DOP1B: variants seen among roughly 807,000 people sequenced by gnomAD.
DOP1B encodes the protein DOP1 leucine zipper like protein B.
DOP1B carries 174 observed loss-of-function variants against 233.5 expected under a neutral mutation model. The observed-to-expected ratio is 0.75, with a 90% confidence interval of 0.66 to 0.85. The LOEUF (loss-of-function observed/expected upper bound fraction) is 0.85. Among genes scored for constraint, DOP1B ranks in the 40% least tolerant of loss-of-function variants. DOP1B has a pLI of 0.00. For synonymous variants in DOP1B, 1,190 were observed against 1,185.6 expected (o/e 1.00, Z -0.08); for missense variants, 2,652 against 2,846.6 (o/e 0.93, Z 1.56).
At chr21:36,241,890 G>A (rs1008363833) in intron 18 of DOP1B, among the ~76,000 whole-genome samples, 1 of 150,894 alleles carries the variant, frequency 6.6e-6, no homozygotes, top group Non-Finnish European at 1.5e-5. Context: ...TAAGTAAGCA[G>A]AGGTGTGTGA....
chr21:36,250,904 G>A (rs1388607416), intron 21 of DOP1B, among the ~76,000 whole-genome samples: 3 of 152,092 alleles, frequency 2.0e-5, no homozygotes, highest in South Asian at 2.1e-4. Context: ...CTGGCCATCC[G>A]TCTCTCCACC....
At position 36,199,193 on chromosome 21, in the gene DOP1B, G is replaced by A. The variant is rs1484298229; in HGVS notation, c.262G>A (p.Glu88Lys). 5.0e-6 allele frequency: 8 copies of A among 1,614,010 alleles called. No individual in the cohort carries two copies. Among genetic ancestry groups the A allele is most frequent in the African/African-American group, 1.3e-5 (1 of 74,918 alleles). Residue 88 changes from glutamate (E) to lysine (K), a missense_variant, in exon 3 of 37, where the codon GAG becomes AAG. Glu to Lys is a moderately conservative substitution (Grantham distance 56). This residue lies in a region of DOP1B where 2,617 missense variants were observed against 2,794.3 expected (regional missense o/e 0.94). Coordinates refer to ENST00000691173, the MANE Select transcript of DOP1B (RefSeq NM_001320714.2). ...GVHLKALETYEIIFKIVGTKW... is the reference protein window; with the variant it reads ...GVHLKALETYKIIFKIVGTKW... ...CCACTTAAAAGCTCTGGAAACCTAC[G>A]AGATTATCTTTAAAATCGTGGGGAC...
intron 13 of DOP1B, among the ~76,000 whole-genome samples, chr21:36,228,360 G>T (rs955795731): frequency 2.0e-5 from 3 of 152,126 alleles, no homozygotes; most frequent in Non-Finnish European, 4.4e-5. Flanking sequence ...TTACTTGGGA[G>T]GCTGAGGCTG....
At chr21:36,223,621 TTCTGGTTACATTCATCAAA>T (rs148183058) in intron 11 of DOP1B, among the ~76,000 whole-genome samples, 5,585 of 152,290 alleles carry the variant, frequency 0.037, 132 homozygotes, top group Non-Finnish European at 0.051. Flanking sequence ...TCAGCGCATT[TTCTGGTTACATTCATCAAA>T]TCAGCTTTCC....
At chr21:36,194,473 TTC>T (rs201416655) in intron 2 of DOP1B, among the ~76,000 whole-genome samples, 23,179 of 134,296 alleles carry the variant, frequency 0.17, 2,777 homozygotes, top group African/African-American at 0.31. Flanking sequence ...TTTGCTGCAT[TTC>T]TCTCTCTCTC....
rs547115435 is a variant in DOP1B, at chr21:36,263,866, C to G, written c.5487+52C>G. ...AATGATATTACCCCAGCAGTGCTGTCCTCCTTTGGGGGATATCAGATAGCA... is the reference window on the plus strand; with the variant it reads ...AATGATATTACCCCAGCAGTGCTGTGCTCCTTTGGGGGATATCAGATAGCA... On this transcript the variant is annotated intron_variant, in intron 26 of 36. Coordinates refer to ENST00000691173, the MANE Select transcript of DOP1B (RefSeq NM_001320714.2). 9 of 1,550,234 alleles carry G rather than the reference C, an allele frequency of 5.8e-6. No individual in the cohort carries two copies. The African/African-American group carries it at 1.1e-4, about 19-fold the overall frequency.
chr21:36,255,280 C>T (rs1282190768), intron 23 of DOP1B, among the ~76,000 whole-genome samples: 1 of 151,658 alleles, frequency 6.6e-6, no homozygotes. Context: ...TACAGGTGCG[C>T]ACCACCAAGC....
intron 2 of DOP1B, among the ~76,000 whole-genome samples, chr21:36,178,259 G>A (rs545729535): frequency 2.0e-5 from 3 of 152,284 alleles, no homozygotes; most frequent in African/African-American, 7.2e-5. Flanking sequence ...GGGAGGCTAA[G>A]GCAGGTGGAT....
chr21:36,254,089 C>T (rs76729325), intron 23 of DOP1B, among the ~76,000 whole-genome samples, 180 bp downstream of exon 23: 6,734 of 152,172 alleles, frequency 0.044, 520 homozygotes, highest in African/African-American at 0.15. Flanking sequence ...CTATGAAGAT[C>T]TGGTGCTTCT....
At position 36,278,137 on chromosome 21, in the gene DOP1B, CA is replaced by C. The variant is rs918760990; in HGVS notation, c.5822+54del. 2.5e-6 allele frequency: 4 copies of C among 1,613,014 alleles called. No individual in the cohort carries two copies. In the African/African-American group the frequency reaches 5.3e-5, roughly 22 times the overall value. On this transcript the variant is annotated intron_variant, in intron 29 of 36. Transcript: ENST00000691173. ...ACCCATATGCAGAAAAATATGTTTT[CA>C]CAAATGAATCAAGTAGTTTTCCTTG...
intron 2 of DOP1B, among the ~76,000 whole-genome samples, chr21:36,178,248 T>C (rs992287907): frequency 4.6e-5 from 7 of 152,110 alleles, no homozygotes; most frequent in Non-Finnish European, 8.8e-5. Context: ...CTCAGGACTT[T>C]GGGAGGCTAA....
intron 27 of DOP1B, among the ~76,000 whole-genome samples, chr21:36,276,711 C>T (rs2067352758): frequency 6.6e-6 from 1 of 151,696 alleles, no homozygotes; most frequent in Admixed American, 6.6e-5. Flanking sequence ...CATGGTGGCA[C>T]ATGCCTGTAG....
In DOP1B at chr21:36,212,034, G is replaced by A. The variant is rs370749068; in HGVS notation, c.841G>A (p.Ala281Thr). 37 of 1,613,598 alleles carry A rather than the reference G, an allele frequency of 2.3e-5. No individual in the cohort carries two copies. Among genetic ancestry groups the A allele is most frequent in the African/African-American group, 4.0e-5 (3 of 74,852 alleles). Reference protein sequence around the residue: ...RSDIVRILSAATQTLLRRDMS... With the variant: ...RSDIVRILSATTQTLLRRDMS... ...TGACATCGTGCGCATTCTCTCAGCC[G>A]CCACCCAGACCCTACTGAGAAGGGA... The change falls in exon 7 of 37, where the codon GCC (alanine) becomes ACC (threonine). Residue 281 changes from alanine to threonine, a missense_variant. Ala to Thr is a moderately conservative substitution (Grantham distance 58). Coordinates refer to ENST00000691173, the MANE Select transcript of DOP1B (RefSeq NM_001320714.2).
At chr21:36,204,658 A>ATTTTTTTTTTTTTTTTT (rs56725433) in intron 4 of DOP1B, among the ~76,000 whole-genome samples, 1 of 115,212 alleles carries the variant, frequency 8.7e-6, no homozygotes, top group Non-Finnish European at 1.7e-5. Flanking sequence ...TGACATTTCT[A>ATTTTTTTTTTTTTTTTT]TTTTTTTTTT....
chr21:36,241,503 C>CTTT (rs1165636640), intron 18 of DOP1B, among the ~76,000 whole-genome samples: 1,355 of 76,494 alleles, frequency 0.018, 106 homozygotes, highest in African/African-American at 0.055. Context: ...TTATCTTAAT[C>CTTT]TTTTTTTTTT....
Position 36,289,055 on chromosome 21 carries a change from A to G in DOP1B, c.6364A>G (p.Lys2122Glu). 5 of 1,612,274 alleles carry G rather than the reference A, an allele frequency of 3.1e-6. No homozygotes were observed. Among genetic ancestry groups the G allele is most frequent in the Non-Finnish European group, 4.2e-6 (5 of 1,179,616 alleles). ...DEDESLRSTNKVNRTKVSVPD... is the reference protein window; with the variant it reads ...DEDESLRSTNEVNRTKVSVPD... ...TTTGCAAATTTATAGAAGCACCAAC[A>G]AAGTAAACAGAACGAAAGTTTCAGT... The change falls in exon 35 of 37, where the codon AAA becomes GAA. Residue 2122 changes from lysine (K) to glutamate (E), a missense_variant. Physicochemically the swap from Lys to Glu is moderately conservative, Grantham distance 56. This residue lies in a region of DOP1B where 2,617 missense variants were observed against 2,794.3 expected (regional missense o/e 0.94). Transcript: ENST00000691173.
At chr21:36,193,958 T>C (rs1020407998) in intron 2 of DOP1B, among the ~76,000 whole-genome samples, 2 of 152,224 alleles carry the variant, frequency 1.3e-5, no homozygotes, top group Non-Finnish European at 2.9e-5. Context: ...TCTTTATACA[T>C]GGTAACTCTT....
Position 36,239,776 on chromosome 21 carries a change from T to A in DOP1B, c.2888T>A (p.Val963Asp). The A allele has an allele frequency of 6.5e-7, 1 of 1,537,798 alleles. No individual in the cohort carries two copies. The highest frequency in any genetic ancestry group is 8.8e-7 in the Non-Finnish European group (1 of 1,140,026). The change falls in exon 18 of 37, where the codon GTC becomes GAC. Residue 963 changes from valine (V) to aspartate (D), a missense_variant. By Grantham distance (152) the Val-to-Asp change is radical. Coordinates refer to ENST00000691173, the MANE Select transcript of DOP1B (RefSeq NM_001320714.2). ...GTTTCCCACTGCAGGTCCTTGTTTG[T>A]CGTGCTGGACAGCCTGGCCTGCACG... The part of the protein sequence containing the change: ...HNRSFDRSLF[V>D]VLDSLACTDG...
At chr21:36,184,175 A>G (rs2066136027) in intron 2 of DOP1B, among the ~76,000 whole-genome samples, 1 of 151,970 alleles carries the variant, frequency 6.6e-6, no homozygotes, top group Non-Finnish European at 1.5e-5. Flanking sequence ...CAGCCTCCCA[A>G]GTAGCTGGGA....
Sources: allele counts gnomAD v4.1 joint callset (sites outside exome capture counted in the v4.1 genomes callset), GRCh38; gene constraint gnomAD v4.1.1; regional missense constraint gnomAD v4.1.1; transcripts MANE v1.5; gene names NCBI Gene and HGNC (gene_info 2026-07-23, HGNC 2026-07-21).